RNF150: variants seen among roughly 807,000 people sequenced by gnomAD.
RNF150 encodes ring finger protein 150.
In RNF150, 24 loss-of-function variants were observed where a neutral mutation model predicts 39.3. The observed-to-expected ratio is 0.61, with a 90% CI of 0.44 to 0.86. The LOEUF is 0.86. Among genes scored for constraint, RNF150 ranks in the 40% least tolerant of loss-of-function variants. The probability of loss-of-function intolerance (pLI) is 0.00; values close to 1 mark genes in which losing one functional copy is unlikely to be tolerated. For synonymous variants in RNF150, 255 were observed against 227.3 expected (o/e 1.12, Z -1.10); for missense variants, 502 against 587.8 (o/e 0.85, Z 1.51).
At chr4:140,985,935 G>T (rs1240261890) in intron 1 of RNF150, among the ~76,000 whole-genome samples, 1 of 152,006 alleles carries the variant, frequency 6.6e-6, no homozygotes, top group Non-Finnish European at 1.5e-5. Flanking sequence ...AGTCTAGGGG[G>T]CACAATCACT....
intron 5 of RNF150, among the ~76,000 whole-genome samples, chr4:140,913,951 G>A (rs796612252): frequency 8.5e-5 from 13 of 152,334 alleles, no homozygotes; most frequent in African/African-American, 3.1e-4. Flanking sequence ...AAAACTAACT[G>A]TGGGAGAGGT....
intron 2 of RNF150, among the ~76,000 whole-genome samples, chr4:140,966,811 C>T (rs1205911646): frequency 1.3e-5 from 2 of 152,064 alleles, no homozygotes; most frequent in East Asian, 1.9e-4. Flanking sequence ...ATGCCATTGC[C>T]CTGGCAACTA....
intron 6 of RNF150, 133 bp downstream of exon 6, chr4:140,911,011 A>G (rs1358217247): frequency 8.4e-6 from 6 of 711,424 alleles, no homozygotes; most frequent in Non-Finnish European, 1.4e-5. Context: ...AACAGCTGGC[A>G]GTTATAACTG....
chr4:141,106,549 T>C (rs2111049167), intron 1 of RNF150, among the ~76,000 whole-genome samples: 1 of 152,204 alleles, frequency 6.6e-6, no homozygotes, highest in East Asian at 1.9e-4. Context: ...TACCAGCACT[T>C]TGGGAGGCCG....
chr4:141,161,714 A>G (rs1188621111), intron 1 of RNF150, among the ~76,000 whole-genome samples: 1 of 152,210 alleles, frequency 6.6e-6, no homozygotes, highest in South Asian at 2.1e-4. Context: ...TGTTCCTTGC[A>G]TGCTAGCTGC....
intron 6 of RNF150, among the ~76,000 whole-genome samples, chr4:140,892,602 A>G (rs17422171): frequency 4.6e-3 from 706 of 152,356 alleles, no homozygotes; most frequent in Non-Finnish European, 7.9e-3. Context: ...TACAATGGCA[A>G]TTTTGTATCC....
At chr4:141,055,079 T>C (rs1736917914) in intron 1 of RNF150, among the ~76,000 whole-genome samples, 1 of 152,148 alleles carries the variant, frequency 6.6e-6, no homozygotes, top group Non-Finnish European at 1.5e-5. Context: ...TAAAAAGTGG[T>C]TTGGAAGGAA....
At chr4:141,080,041 T>C (rs965719978) in intron 1 of RNF150, among the ~76,000 whole-genome samples, 21 of 126,444 alleles carry the variant, frequency 1.7e-4, no homozygotes, top group African/African-American at 5.6e-4. Context: ...CAGTGTGCAT[T>C]ACACTGAAAA....
chr4:140,968,277 G>A (rs1408756566), intron 1 of RNF150, among the ~76,000 whole-genome samples: 2 of 151,806 alleles, frequency 1.3e-5, no homozygotes, highest in Non-Finnish European at 2.9e-5. Context: ...TGCATTCCAT[G>A]ACAAAAGGGT....
At chr4:141,014,292 GCGA>G (rs1245932079) in intron 1 of RNF150, among the ~76,000 whole-genome samples, 7 of 152,222 alleles carry the variant, frequency 4.6e-5, no homozygotes, top group Non-Finnish European at 7.3e-5. Context: ...GAATAAGGCT[GCGA>G]TGAACATAGG....
chr4:141,120,568 CT>C (rs145376315), intron 1 of RNF150, among the ~76,000 whole-genome samples: 1,823 of 152,300 alleles, frequency 0.012, 36 homozygotes, highest in African/African-American at 0.042. Context: ...GGCTACTAGA[CT>C]TTCTTGTTTG....
At chr4:140,900,441 G>A (rs1201680154) in intron 6 of RNF150, among the ~76,000 whole-genome samples, 2 of 114,068 alleles carry the variant, frequency 1.8e-5, no homozygotes, top group African/African-American at 5.8e-5. Context: ...ATGAGATCAT[G>A]GTCATAAAGA....
chr4:140,996,705 T>C (rs780948486), intron 1 of RNF150, among the ~76,000 whole-genome samples: 1 of 152,224 alleles, frequency 6.6e-6, no homozygotes, highest in Admixed American at 6.5e-5. Context: ...ATGATCTAGT[T>C]AGGGAAAAAA....
chr4:140,984,353 A>G (rs988310411), intron 1 of RNF150, among the ~76,000 whole-genome samples: 24 of 152,124 alleles, frequency 1.6e-4, no homozygotes, highest in African/African-American at 5.8e-4. Flanking sequence ...CATTGGTATG[A>G]AAAGGTTTTT....
At chr4:140,985,355 C>T (rs1013605601) in intron 1 of RNF150, among the ~76,000 whole-genome samples, 5 of 152,164 alleles carry the variant, frequency 3.3e-5, no homozygotes, top group Admixed American at 6.6e-5. Context: ...CTGAAAACCA[C>T]CAAACTGCCT....
intron 1 of RNF150, among the ~76,000 whole-genome samples, chr4:141,000,583 T>C (rs764807484): frequency 1.3e-5 from 2 of 152,216 alleles, no homozygotes; most frequent in Admixed American, 1.3e-4. Flanking sequence ...GCAATGACAT[T>C]TTATGTCAAA....
chr4:141,031,684 A>T (rs1184896558), intron 1 of RNF150, among the ~76,000 whole-genome samples: 1 of 152,190 alleles, frequency 6.6e-6, no homozygotes, highest in African/African-American at 2.4e-5. Context: ...ATAAATGCAA[A>T]TTAAAACCAT....
intron 1 of RNF150, among the ~76,000 whole-genome samples, chr4:141,145,165 A>G (rs1034032185): frequency 6.6e-6 from 1 of 152,224 alleles, no homozygotes; most frequent in Non-Finnish European, 1.5e-5. Context: ...GTCAGTGTTT[A>G]TAATTGGCTA....
chr4:141,164,036 C>T (rs534485907), intron 1 of RNF150, among the ~76,000 whole-genome samples: 7 of 151,926 alleles, frequency 4.6e-5, no homozygotes, highest in African/African-American at 1.7e-4. Flanking sequence ...TAATCCAATG[C>T]AAGGAAGCTA....
Sources: gnomAD v4.1 joint callset for allele counts (sites outside exome capture counted in the v4.1 genomes callset) on GRCh38, gnomAD v4.1.1 for gene constraint, MANE v1.5 for transcripts, NCBI Gene and HGNC (gene_info 2026-07-23, HGNC 2026-07-21) for gene names.